The following TTC28 variants were observed in gnomAD, a reference collection of about 807,000 sequenced individuals.
The protein encoded by TTC28 is tetratricopeptide repeat protein 28.
TTC28 carries 61 observed loss-of-function variants against 198.0 expected under a neutral mutation model. The ratio of observed to expected loss-of-function variants is 0.31; its 90% confidence interval spans 0.25 to 0.38. The LOEUF is 0.38. Among genes scored for constraint, TTC28 ranks in the 10% least tolerant of loss-of-function variants. The pLI, the probability that TTC28 is intolerant of heterozygous loss-of-function variation, is 1.00. For synonymous variants in TTC28, 1,171 were observed against 1,297.8 expected (o/e 0.90, Z 2.10); for missense variants, 2,678 against 3,164.0 (o/e 0.85, Z 3.69).
At chr22:28,221,353 G>GT (rs1353168370) in intron 5 of TTC28, among the ~76,000 whole-genome samples, 7 of 152,178 alleles carry the variant, frequency 4.6e-5, no homozygotes, top group African/African-American at 1.7e-4. Context: ...GTTTAGGGTA[G>GT]CAAGACTAAT....
rs192599903 is a variant in TTC28, at chr22:28,241,616, T to C, written c.933+54582A>G. ...AATGGTTCGAGATTAAAAATATATA[T>C]AGAGAGAGAAAATATGGTAAAACAA... is the stretch of plus-strand genomic sequence containing the variant. On this transcript the variant is annotated intron_variant, in intron 5 of 22. Coordinates refer to ENST00000397906, the MANE Select transcript of TTC28 (RefSeq NM_001145418.2). Among the ~76,000 whole-genome samples, 5 of 152,160 alleles carry C rather than the reference T, an allele frequency of 3.3e-5. No individual in the cohort carries two copies. The East Asian group carries it at 5.8e-4, about 18-fold the overall frequency.
At chr22:28,414,902 C>G (rs1315377869) in intron 2 of TTC28, among the ~76,000 whole-genome samples, 1 of 152,112 alleles carries the variant, frequency 6.6e-6, no homozygotes, top group Non-Finnish European at 1.5e-5. Flanking sequence ...ATATTTACAA[C>G]TCTTAAAAAA....
Position 27,982,839 on chromosome 22 carries a change from T to C in TTC28, c.6828A>G (p.Ser2276=). Residue 2276 remains serine (S), a synonymous_variant, in exon 23 of 23, where the codon TCA becomes TCG. Coordinates refer to ENST00000397906, the MANE Select transcript of TTC28 (RefSeq NM_001145418.2). The surrounding 1 kb of genome is among the most constrained non-coding windows in gnomAD (Gnocchi z 5.2). ...GAGGCTGGTCCAGCTGGGAAGTCTG[T>C]GAGTCGCAGCCGGGCGATGGCCGGC... ...HSGRPSPGCD[S]QTSQLDQPLF... is the part of the protein sequence containing the mutation. 6.5e-7 allele frequency: 1 copy of C among 1,541,822 alleles called. No individual in the cohort carries two copies. Among genetic ancestry groups the C allele is most frequent in the African/African-American group, 1.4e-5 (1 of 72,874 alleles).
At chr22:27,999,991 C>T (rs892802736) in intron 15 of TTC28, 2 of 152,106 alleles carry the variant, frequency 1.3e-5, no homozygotes, top group Admixed American at 1.3e-4. Flanking sequence ...ATGGCCTTTT[C>T]CAGGTTTCTG....
intron 12 of TTC28, among the ~76,000 whole-genome samples, chr22:28,044,760 T>C (rs1464524768): frequency 5.9e-5 from 9 of 152,196 alleles, no homozygotes; most frequent in African/African-American, 2.4e-5. Flanking sequence ...TCCAGAACAA[T>C]TGTGCATTTT....
intron 6 of TTC28, among the ~76,000 whole-genome samples, chr22:28,148,527 G>A (rs1943528010): frequency 6.6e-6 from 1 of 151,804 alleles, no homozygotes; most frequent in Admixed American, 6.6e-5. Flanking sequence ...GCAGGAGAAT[G>A]GCATGAACCC....
At chr22:28,640,484 G>C (rs934890122) in intron 1 of TTC28, among the ~76,000 whole-genome samples, 4 of 151,434 alleles carry the variant, frequency 2.6e-5, no homozygotes, top group African/African-American at 9.7e-5. Context: ...ATAAAATATT[G>C]AACCCATAGC....
chr22:28,497,679 T>C (rs1159887185), intron 2 of TTC28, among the ~76,000 whole-genome samples: 1 of 152,144 alleles, frequency 6.6e-6, no homozygotes, highest in Non-Finnish European at 1.5e-5. Flanking sequence ...CGGAAATACA[T>C]ATGTAGGTGT....
At chr22:28,291,903 T>G (rs1289596287) in intron 5 of TTC28, among the ~76,000 whole-genome samples, 1 of 152,040 alleles carries the variant, frequency 6.6e-6, no homozygotes. Context: ...AAAACATAAG[T>G]GCAAAAAATT....
intron 12 of TTC28, among the ~76,000 whole-genome samples, chr22:28,062,413 CTTTTTT>C (rs57398979): frequency 2.9e-5 from 3 of 102,344 alleles, no homozygotes; most frequent in African/African-American, 7.3e-5. Context: ...TTTAACTCTT[CTTTTTT>C]TTTTTTTTTT....
rs146635135 is a variant in TTC28 at position 28,620,131 on chromosome 22, C to T, written c.381+9421G>A. ...CTCTGGGAGGTCGAGGCAGGTGGAT[C>T]ACGAGGTCAGGAGTTCGAGACCAGC... is the stretch of plus-strand genomic sequence containing the variant. On this transcript the variant is annotated intron_variant, in intron 2 of 22. Transcript: ENST00000397906. 8.4e-3 allele frequency among the ~76,000 whole-genome samples: 1,278 copies of T among 152,236 alleles called. 15 individuals carry two copies. Among genetic ancestry groups the T allele is most frequent in the Non-Finnish European group, 9.6e-3 (655 of 68,014 alleles).
At position 28,009,003 on chromosome 22, in the gene TTC28, C is replaced by G. The variant is rs144403454; in HGVS notation, c.4218+5245G>C. ...ACTAATACCACAGACACAAACAGGT[C>G]CCAGTAGTCCCTTTCATGCTAAACA... On this transcript the variant is annotated intron_variant, in intron 14 of 22. Coordinates refer to ENST00000397906, the MANE Select transcript of TTC28 (RefSeq NM_001145418.2). 1.1e-3 allele frequency among the ~76,000 whole-genome samples: 160 copies of G among 152,328 alleles called. 1 individual carries two copies. The highest frequency in any genetic ancestry group is 3.7e-3 in the African/African-American group (153 of 41,570).
chr22:28,567,479 C>CATACATATAT (rs751694635), intron 2 of TTC28, among the ~76,000 whole-genome samples: 6 of 51,128 alleles, frequency 1.2e-4, no homozygotes, highest in Admixed American at 3.5e-4. Flanking sequence ...TACATACATA[C>CATACATATAT]ATATATATAT....
At chr22:28,168,403 G>A (rs185962777) in intron 5 of TTC28, among the ~76,000 whole-genome samples, 1,916 of 152,208 alleles carry the variant, frequency 0.013, 38 homozygotes, top group East Asian at 0.083. Flanking sequence ...GAGGCATCAC[G>A]CTACCTGACT....
At chr22:28,577,077 T>G (rs2050162879) in intron 2 of TTC28, among the ~76,000 whole-genome samples, 4 of 152,106 alleles carry the variant, frequency 2.6e-5, no homozygotes, top group Admixed American at 2.6e-4. Context: ...TTATTTGAAG[T>G]TTTTCTAAAT....
chr22:28,050,770 T>C (rs557042983), intron 12 of TTC28, among the ~76,000 whole-genome samples: 2 of 152,364 alleles, frequency 1.3e-5, no homozygotes, highest in Admixed American at 1.3e-4. Flanking sequence ...AAACTCATAC[T>C]GTGCCGCTTC....
intron 2 of TTC28, among the ~76,000 whole-genome samples, chr22:28,465,182 C>G (rs1334038908): frequency 1.3e-5 from 2 of 152,168 alleles, no homozygotes; most frequent in Non-Finnish European, 2.9e-5. Flanking sequence ...AAAACACAAT[C>G]AGGATAAATT....
At chr22:28,625,148 G>T (rs952648123) in intron 2 of TTC28, among the ~76,000 whole-genome samples, 6 of 152,084 alleles carry the variant, frequency 3.9e-5, no homozygotes, top group Non-Finnish European at 7.4e-5. Context: ...AATGAGTAAA[G>T]GAAGTTCACT....
chr22:28,425,196 T>C (rs1056635710), intron 2 of TTC28, among the ~76,000 whole-genome samples: 9 of 152,238 alleles, frequency 5.9e-5, no homozygotes, highest in African/African-American at 1.9e-4. Flanking sequence ...AATTAATCTG[T>C]TGCTGACGTA....
Sources: gnomAD v4.1 joint callset for allele counts (sites outside exome capture counted in the v4.1 genomes callset) on GRCh38, gnomAD v4.1.1 for gene constraint, Gnocchi (gnomAD v3.1) non-coding constraint, MANE v1.5 for transcripts, NCBI Gene and HGNC (gene_info 2026-07-23, HGNC 2026-07-21) for gene names.